Variants in RANBP2 observed in about 807,000 individuals in gnomAD.
RANBP2 encodes E3 SUMO-protein ligase RanBP2.
A neutral mutation model predicts 303.6 loss-of-function variants in RANBP2; 57 were observed. The ratio of observed to expected loss-of-function variants is 0.19; its 90% CI spans 0.15 to 0.23. RANBP2 has a LOEUF of 0.23. Among genes scored for constraint, RANBP2 ranks in the 10% least tolerant of loss-of-function variants. The probability of loss-of-function intolerance (pLI) is 1.00; values close to 1 mark genes in which losing one functional copy is unlikely to be tolerated. For missense variants in RANBP2, 3,138 were observed against 3,780.8 expected (o/e 0.83, Z 4.46); for synonymous variants, 1,167 against 1,301.5 (o/e 0.90, Z 2.23).
chr2:109,427,346 A>C, the RANBP2 span, among the ~76,000 whole-genome samples: 1 of 152,248 alleles, frequency 6.6e-6, no homozygotes, highest in Non-Finnish European at 1.5e-5. Context: ...GCTACTGTAT[A>C]GTATAAATAT....
At chr2:109,637,330 G>C in the RANBP2 span, among the ~76,000 whole-genome samples, 1 of 152,162 alleles carries the variant, frequency 6.6e-6, no homozygotes, top group Non-Finnish European at 1.5e-5. Flanking sequence ...TCAGTTCCCA[G>C]GGGCAGGCAG....
At chr2:108,746,489 T>C (rs1573752224) in intron 7 of RANBP2, among the ~76,000 whole-genome samples, 1 of 145,874 alleles carries the variant, frequency 6.9e-6, no homozygotes, top group African/African-American at 2.5e-5. Context: ...TCCCAGAGTG[T>C]TGGGATTACA....
At chr2:109,613,316 G>A in the RANBP2 span, 1 of 484,248 alleles carries the variant, frequency 2.1e-6, no homozygotes. Flanking sequence ...AATCCCAATG[G>A]AGGAAAACTT....
the RANBP2 span, among the ~76,000 whole-genome samples, chr2:109,064,466 A>AAAC: frequency 1.3e-5 from 2 of 148,632 alleles, no homozygotes; most frequent in Admixed American, 6.7e-5. Flanking sequence ...AAAAAAAAAA[A>AAAC]AAAAACAAAA....
chr2:108,798,847 ACACAC>A, the RANBP2 span, among the ~76,000 whole-genome samples: 3 of 148,728 alleles, frequency 2.0e-5, no homozygotes, highest in Non-Finnish European at 4.4e-5. Flanking sequence ...ACACACACAC[ACACAC>A]ATTTTTTCTG....
chr2:108,857,051 T>C, the RANBP2 span: 1 of 245,482 alleles, frequency 4.1e-6, no homozygotes. Context: ...TAACTCCACA[T>C]ATCAGATACT....
chr2:108,812,159 A>T, the RANBP2 span, among the ~76,000 whole-genome samples: 3 of 152,166 alleles, frequency 2.0e-5, no homozygotes, highest in South Asian at 6.2e-4. Context: ...ATGTTCATGG[A>T]TAGGAAGACT....
the RANBP2 span, among the ~76,000 whole-genome samples, chr2:108,879,343 A>T: frequency 1.3e-5 from 2 of 152,220 alleles, no homozygotes; most frequent in South Asian, 2.1e-4. Flanking sequence ...TTACAAGTGG[A>T]TTGTTTTAAA....
chr2:109,480,804 C>T, the RANBP2 span, among the ~76,000 whole-genome samples: 3,247 of 152,256 alleles, frequency 0.021, 51 homozygotes, highest in Non-Finnish European at 0.033. Context: ...TTATGACCTC[C>T]GGCTCTCTCT....
At chr2:109,660,457 C>G in the RANBP2 span, among the ~76,000 whole-genome samples, 1 of 152,248 alleles carries the variant, frequency 6.6e-6, no homozygotes, top group Admixed American at 6.5e-5. Context: ...TTGCTTCATT[C>G]TTTCATTGCA....
the RANBP2 span, among the ~76,000 whole-genome samples, chr2:109,417,353 C>T: frequency 6.6e-6 from 1 of 152,254 alleles, no homozygotes; most frequent in East Asian, 1.9e-4. Context: ...GAAAGTGATC[C>T]TGGCATTGTT....
chr2:108,963,959 C>A, the RANBP2 span, among the ~76,000 whole-genome samples: 23 of 152,328 alleles, frequency 1.5e-4, no homozygotes, highest in East Asian at 4.1e-3. Context: ...CTTCTTGGAC[C>A]ATTTTCCTCA....
intron 23 of RANBP2, among the ~76,000 whole-genome samples, chr2:108,773,849 A>ATGTTGACCAGGATGGTCTCAATC (rs1207516316): frequency 1.3e-5 from 2 of 152,132 alleles, no homozygotes; most frequent in Non-Finnish European, 2.9e-5. Context: ...GGGTTTCACC[A>ATGTTGACCAGGATGGTCTCAATC]TGTTGACCAG....
At chr2:108,857,938 A>G in the RANBP2 span, among the ~76,000 whole-genome samples, 1 of 152,250 alleles carries the variant, frequency 6.6e-6, no homozygotes, top group Non-Finnish European at 1.5e-5. Flanking sequence ...TTTATGAAAT[A>G]GTTGACCTGC....
rs781164056 is a variant in RANBP2 at position 108,767,785 on chromosome 2, G to A, written c.7246G>A (p.Val2416Ile). 6 of 1,611,854 alleles carry A rather than the reference G, an allele frequency of 3.7e-6. No individual in the cohort carries two copies. Among genetic ancestry groups the A allele is most frequent in the Admixed American group, 3.3e-5 (2 of 60,018 alleles). The stretch of plus-strand genomic sequence containing the variant: ...TGATTTTGCAGATGGAGAAAGAAAA[G>A]TAGAGCATTTAGCTGTTCGTTTTAA... Reference protein sequence around the residue: ...ACDFADGERKVEHLAVRFKLQ... With the variant: ...ACDFADGERKIEHLAVRFKLQ... Residue 2416 changes from valine to isoleucine, a missense_variant, in exon 20 of 29, where the codon GTA (valine) becomes ATA (isoleucine). Around this residue, in one of 20 missense-constraint regions of RANBP2, gnomAD observed 92 missense variants for 211.0 expected, o/e 0.44. Transcript: ENST00000283195.
the RANBP2 span, chr2:108,894,854 A>G: frequency 6.6e-6 from 1 of 152,216 alleles, no homozygotes; most frequent in Non-Finnish European, 1.5e-5. Flanking sequence ...CTGGCCTTAC[A>G]GCCCCAGAAT....
At chr2:109,194,010 T>C in the RANBP2 span, among the ~76,000 whole-genome samples, 1 of 152,226 alleles carries the variant, frequency 6.6e-6, no homozygotes, top group African/African-American at 2.4e-5. Context: ...GAAAATAAAC[T>C]TTTGAAAGTT....
At chr2:109,375,668 G>A in the RANBP2 span, among the ~76,000 whole-genome samples, 3 of 152,278 alleles carry the variant, frequency 2.0e-5, no homozygotes, top group South Asian at 4.1e-4. Flanking sequence ...GAGGATGGCA[G>A]GCGAGGGACT....
the RANBP2 span, among the ~76,000 whole-genome samples, chr2:109,395,150 G>A: frequency 3.9e-5 from 6 of 152,254 alleles, no homozygotes; most frequent in Non-Finnish European, 7.3e-5. Flanking sequence ...CTGGGACTCC[G>A]CAGGCAGGCC....
Sources: allele counts gnomAD v4.1 joint callset (sites outside exome capture counted in the v4.1 genomes callset), GRCh38; gene constraint gnomAD v4.1.1; regional missense constraint gnomAD v4.1.1; transcripts MANE v1.5; gene names NCBI Gene and HGNC (gene_info 2026-07-23, HGNC 2026-07-21).